The following LEKR1 variants were observed in gnomAD, a reference collection of about 807,000 sequenced individuals.
LEKR1 encodes the protein protein LEKR1.
In LEKR1, 59 loss-of-function variants were observed where a neutral mutation model predicts 72.4. The ratio of observed to expected loss-of-function variants is 0.82; its 90% CI spans 0.66 to 1.01. The LOEUF is 1.01. Among genes scored for constraint, LEKR1 ranks in the 50% least tolerant of loss-of-function variants. The pLI, the probability that LEKR1 is intolerant of heterozygous loss-of-function variation, is 0.00. For missense variants in LEKR1, 728 were observed against 759.2 expected (o/e 0.96, Z 0.48); for synonymous variants, 257 against 263.2 (o/e 0.98, Z 0.23).
intron 2 of LEKR1, among the ~76,000 whole-genome samples, chr3:156,839,103 C>T (rs62273918): frequency 0.031 from 4,750 of 152,264 alleles, 109 homozygotes; most frequent in Non-Finnish European, 0.047. Flanking sequence ...TAGGCCAAAT[C>T]TGTTGTTTTG....
intron 3 of LEKR1, among the ~76,000 whole-genome samples, chr3:156,918,321 C>A (rs1054093294): frequency 6.6e-6 from 1 of 152,108 alleles, no homozygotes; most frequent in Non-Finnish European, 1.5e-5. Context: ...CTTTAAAGGA[C>A]GACACCTTCC....
intron 4 of LEKR1, chr3:156,924,450 C>A: frequency 1.6e-6 from 1 of 618,142 alleles, no homozygotes; most frequent in Non-Finnish European, 2.9e-6. Context: ...TTTTGAAAAG[C>A]AAAGTTTGTT....
chr3:156,966,195 G>A (rs9816349), intron 6 of LEKR1, among the ~76,000 whole-genome samples: 6,256 of 152,248 alleles, frequency 0.041, 465 homozygotes, highest in African/African-American at 0.14. Context: ...ACAGCTCCCA[G>A]CATGAGTGAC....
intron 6 of LEKR1, among the ~76,000 whole-genome samples, chr3:156,966,095 A>G (rs1728551206): frequency 6.6e-6 from 1 of 152,200 alleles, no homozygotes; most frequent in African/African-American, 2.4e-5. Flanking sequence ...TAAATAATTT[A>G]AAATAGTGAA....
intron 12 of LEKR1, among the ~76,000 whole-genome samples, chr3:157,044,290 A>T (rs1560167371): frequency 1.3e-5 from 2 of 152,224 alleles, no homozygotes. Context: ...CTCATTTTTG[A>T]CATCATAAAG....
intron 9 of LEKR1, among the ~76,000 whole-genome samples, chr3:157,002,997 G>A (rs918826199): frequency 6.6e-6 from 1 of 152,186 alleles, no homozygotes; most frequent in African/African-American, 2.4e-5. Context: ...CAGGGAGACT[G>A]AAATTCAAGC....
At position 156,932,779 on chromosome 3, in the gene LEKR1, C is replaced by T. The variant is rs539873852; in HGVS notation, c.559+5175C>T. ...GGCATGGTGGCTCACGCCTGTAATC[C>T]CGGCAATTTGGGAGGCCGCGGCAGG... On this transcript the variant is annotated intron_variant, in intron 5 of 12. Transcript: ENST00000356539. Among the ~76,000 whole-genome samples, 16 of 151,630 alleles carry T rather than the reference C, an allele frequency of 1.1e-4. No individual in the cohort carries two copies. The East Asian group carries it at 2.1e-3, about 20-fold the overall frequency.
intron 5 of LEKR1, among the ~76,000 whole-genome samples, chr3:156,940,393 A>G (rs1303192196): frequency 6.6e-6 from 1 of 152,176 alleles, no homozygotes; most frequent in East Asian, 1.9e-4. Context: ...ATAGCTGAAT[A>G]TATGAGGATA....
intron 3 of LEKR1, among the ~76,000 whole-genome samples, chr3:156,879,742 G>A (rs1185529138): frequency 6.6e-6 from 1 of 152,156 alleles, no homozygotes; most frequent in Admixed American, 6.5e-5. Context: ...TGCATCCTAG[G>A]TACTTGGTGC....
At chr3:157,013,668 C>T (rs529967394) in intron 10 of LEKR1, among the ~76,000 whole-genome samples, 4 of 152,054 alleles carry the variant, frequency 2.6e-5, no homozygotes, top group East Asian at 3.9e-4. Context: ...AAGATCCAGA[C>T]CAGAAAAGCA....
intron 12 of LEKR1, among the ~76,000 whole-genome samples, chr3:157,033,364 A>G (rs1464410774): frequency 1.3e-5 from 2 of 152,240 alleles, no homozygotes; most frequent in Admixed American, 6.5e-5. Context: ...TGAAGGCAAT[A>G]AAAGTGCTAC....
At chr3:156,890,984 C>T (rs371130841) in intron 3 of LEKR1, among the ~76,000 whole-genome samples, 55 of 151,384 alleles carry the variant, frequency 3.6e-4, no homozygotes, top group African/African-American at 1.2e-3. Context: ...CTCAGCCTCC[C>T]GAGTAGCTGG....
chr3:157,039,810 C>A (rs1356538527), intron 12 of LEKR1, among the ~76,000 whole-genome samples: 1 of 152,214 alleles, frequency 6.6e-6, no homozygotes, highest in Non-Finnish European at 1.5e-5. Context: ...ATGGCACACA[C>A]TTCTCTGGTA....
At chr3:156,963,281 C>T (rs1192335878) in intron 6 of LEKR1, among the ~76,000 whole-genome samples, 2 of 152,152 alleles carry the variant, frequency 1.3e-5, no homozygotes, top group Non-Finnish European at 2.9e-5. Context: ...AGGGAAACCT[C>T]AGCTAAGCAG....
At chr3:156,886,837 A>G (rs1341266757) in intron 3 of LEKR1, among the ~76,000 whole-genome samples, 1 of 152,206 alleles carries the variant, frequency 6.6e-6, no homozygotes, top group African/African-American at 2.4e-5. Context: ...GATCTGTGCA[A>G]TCAAACAAGA....
intron 12 of LEKR1, among the ~76,000 whole-genome samples, chr3:157,035,089 C>A (rs1734868523): frequency 6.6e-6 from 1 of 152,170 alleles, no homozygotes; most frequent in East Asian, 1.9e-4. Flanking sequence ...AGTAAAATAT[C>A]TTTAAATTAA....
At chr3:157,030,746 G>A (rs1734546267) in intron 12 of LEKR1, among the ~76,000 whole-genome samples, 1 of 152,158 alleles carries the variant, frequency 6.6e-6, no homozygotes, top group Non-Finnish European at 1.5e-5. Flanking sequence ...TATCCACTGG[G>A]CTGCAGTCTC....
At chr3:156,901,123 G>A (rs1412552864) in intron 3 of LEKR1, among the ~76,000 whole-genome samples, 1 of 152,058 alleles carries the variant, frequency 6.6e-6, no homozygotes, top group African/African-American at 2.4e-5. Context: ...GATCCACTGT[G>A]CCTAGCTTGA....
chr3:156,929,945 A>G (rs1000612422), intron 5 of LEKR1, among the ~76,000 whole-genome samples: 1 of 152,164 alleles, frequency 6.6e-6, no homozygotes, highest in Non-Finnish European at 1.5e-5. Context: ...TTGACATTGG[A>G]TAAAATCTAC....
Sources: gnomAD v4.1 joint callset for allele counts (sites outside exome capture counted in the v4.1 genomes callset) on GRCh38, gnomAD v4.1.1 for gene constraint, MANE v1.5 for transcripts, NCBI Gene and HGNC (gene_info 2026-07-23, HGNC 2026-07-21) for gene names.